The following ZNF442 variants were observed in gnomAD, a reference collection of about 807,000 sequenced individuals.
The protein encoded by ZNF442 is zinc finger protein 442.
ZNF442 carries 45 observed loss-of-function variants against 57.0 expected under a neutral mutation model. The ratio of observed to expected loss-of-function variants is 0.79; its 90% CI spans 0.62 to 1.01. The LOEUF is 1.01. Ranked by LOEUF, ZNF442 falls within the 50% of genes least tolerant of loss-of-function variation. The probability of loss-of-function intolerance (pLI) is 0.00; values close to 1 mark genes in which losing one functional copy is unlikely to be tolerated. For synonymous variants in ZNF442, 213 were observed against 241.8 expected, an observed-to-expected ratio of 0.88 and a Z score of 1.10; for missense variants, 690 against 756.5, an observed-to-expected ratio of 0.91 and a Z score of 1.03.
In ZNF442 at chr19:12,350,712, T is replaced by C; in HGVS notation, c.873A>G (p.Lys291=). ...VRHERTHTGE[K]PYKCKRCGRA... Reference sequence around the variant, plus strand: ...TTCCACATCGTTTACATTTATAGGGTTTTTCTCCAGTGTGAGTTCTTTCAT... The same window carrying C: ...TTCCACATCGTTTACATTTATAGGGCTTTTCTCCAGTGTGAGTTCTTTCAT... The change falls in exon 6 of 6, where the codon AAA becomes AAG. Residue 291 remains lysine, a synonymous_variant. Coordinates refer to ENST00000242804, the MANE Select transcript of ZNF442 (RefSeq NM_030824.3). The C allele has an allele frequency of 6.2e-6, 10 of 1,613,702 alleles. No homozygotes were observed. The highest frequency in any genetic ancestry group is 8.5e-6 in the Non-Finnish European group (10 of 1,179,990).
At position 12,350,117 on chromosome 19, in the gene ZNF442, A is replaced by G. The variant is rs765116187; in HGVS notation, c.1468T>C (p.Cys490Arg). The change falls in exon 6 of 6, where the codon TGT (cysteine) becomes CGT (arginine). Residue 490 changes from cysteine (C) to arginine (R), a missense_variant. Coordinates refer to ENST00000242804, the MANE Select transcript of ZNF442 (RefSeq NM_030824.3). ...CTGAATGCTTTCCCACATTCCTTACACTCATATGGCTTCTCTCCAGTGTGA... is the reference window on the plus strand; with the variant it reads ...CTGAATGCTTTCCCACATTCCTTACGCTCATATGGCTTCTCTCCAGTGTGA... ...TTHTGEKPYE[C>R]KECGKAFSCF... 1.2e-6 allele frequency: 2 copies of G among 1,614,006 alleles called. No homozygotes were observed. Among genetic ancestry groups the G allele is most frequent in the Non-Finnish European group, 8.5e-7 (1 of 1,179,964 alleles).
intron 3 of ZNF442, among the ~76,000 whole-genome samples, chr19:12,354,424 T>C (rs1470986248): frequency 1.3e-5 from 2 of 152,214 alleles, no homozygotes; most frequent in African/African-American, 4.8e-5. Flanking sequence ...TGAATATCGA[T>C]AATATTCCCT....
chr19:12,351,899 T>C (rs2144814642), intron 5 of ZNF442, 111 bp downstream of exon 5: 1 of 889,542 alleles, frequency 1.1e-6, no homozygotes, highest in Non-Finnish European at 1.7e-6. Context: ...TGTATAGGAA[T>C]AAATAAGTTT....
At chr19:12,354,421 C>T (rs1387701467) in intron 3 of ZNF442, among the ~76,000 whole-genome samples, 2 of 152,136 alleles carry the variant, frequency 1.3e-5, no homozygotes, top group African/African-American at 2.4e-5. Flanking sequence ...TCATGAATAT[C>T]GATAATATTC....
Position 12,351,046 on chromosome 19 carries a change from C to A in ZNF442, c.539G>T (p.Arg180Leu), listed in dbSNP as rs547916207. 6.2e-7 allele frequency: 1 copy of A among 1,614,076 alleles called. No homozygotes were observed. ...TQERPHTGKK[R>L]YDCKECGKTF... is the part of the protein sequence containing the mutation. Reference sequence around the variant, plus strand: ...TTTCCCACATTCCTTACAATCATAGCGTTTCTTTCCAGTGTGAGGTCTTTC... The same window carrying A: ...TTTCCCACATTCCTTACAATCATAGAGTTTCTTTCCAGTGTGAGGTCTTTC... Residue 180 changes from arginine (R) to leucine (L), a missense_variant, in exon 6 of 6, where the codon CGC becomes CTC. Coordinates refer to ENST00000242804, the MANE Select transcript of ZNF442 (RefSeq NM_030824.3).
intron 2 of ZNF442, 109 bp from the exon 3 acceptor site, chr19:12,363,780 G>A (rs1003836280): frequency 2.9e-6 from 2 of 680,226 alleles, no homozygotes; most frequent in Non-Finnish European, 5.2e-6. Context: ...TGTTCTCTGT[G>A]AGGCCCCACC....
rs1969153520 is a variant in ZNF442, at chr19:12,347,997, A to G, written c.*1704T>C. The G allele has an allele frequency of 6.6e-6, 1 of 152,198 alleles. No individual in the cohort carries two copies. Among genetic ancestry groups the G allele is most frequent in the African/African-American group, 2.4e-5 (1 of 41,444 alleles). 9.4% of individuals were successfully genotyped at this position (152,198 alleles called of 1,614,324 possible). ...ATATCAAAGATGTGACACTTGAAACATGTGCAGCAGTTTTTGGGGCATCTA... is the reference window on the plus strand; with the variant it reads ...ATATCAAAGATGTGACACTTGAAACGTGTGCAGCAGTTTTTGGGGCATCTA... On this transcript the variant is annotated 3_prime_UTR_variant, in exon 6 of 6. Coordinates refer to ENST00000242804, the MANE Select transcript of ZNF442 (RefSeq NM_030824.3).
intron 3 of ZNF442, among the ~76,000 whole-genome samples, chr19:12,355,290 CAAAA>C (rs1243882800): frequency 1.8e-5 from 1 of 55,680 alleles, no homozygotes; most frequent in Non-Finnish European, 3.6e-5. Context: ...GACTCCATCT[CAAAA>C]AAAAAAAAAA....
At chr19:12,369,223 T>G (rs6511788), upstream of ZNF442, among the ~76,000 whole-genome samples, 47,790 of 151,980 alleles carry the variant, frequency 0.31, 8,316 homozygotes, top group African/African-American at 0.47. Flanking sequence ...GGAAGCTGGG[T>G]AATTTTAAGC....
rs1196343953 is a variant in ZNF442 at position 12,350,865 on chromosome 19, C to T, written c.720G>A (p.Lys240=). The change falls in exon 6 of 6, where the codon AAG becomes AAA. Residue 240 remains lysine (K), a synonymous_variant. Coordinates refer to ENST00000242804, the MANE Select transcript of ZNF442 (RefSeq NM_030824.3). The part of the protein sequence containing the change: ...THTGEKPYEC[K]QCCKAFPIYS... ...AAATAGGGAAGGCTTTACAACACTG[C>T]TTACATTCATACGGTTTCTCTCCAG... 6.2e-7 allele frequency: 1 copy of T among 1,613,956 alleles called. No individual in the cohort carries two copies.
chr19:12,362,118 T>C (rs552472809), intron 3 of ZNF442, among the ~76,000 whole-genome samples: 54 of 152,318 alleles, frequency 3.5e-4, no homozygotes, highest in Non-Finnish European at 6.6e-4. Context: ...AGTGCCGAGA[T>C]TGCAGCCTCT....
rs73507958 is a variant in ZNF442, at chr19:12,352,059, C to A, written c.217G>T (p.Glu73Ter). The change falls in exon 5 of 6, where the codon GAA (glutamate) becomes TAA (stop). Residue 73 changes from glutamate (E) to a stop codon, truncating the protein, a stop_gained. Coordinates refer to ENST00000242804, the MANE Select transcript of ZNF442 (RefSeq NM_030824.3). LOFTEE classifies it high-confidence loss of function. ...TGCTGATCTTCAATGTTTGTGTCTT[C>A]CCATTTCATTCCTAAAAGGTGGACA... ...RNLDCIGMKW[E>*]DTNIEDQHRN... 1,723 of 1,613,522 alleles carry A rather than the reference C, an allele frequency of 1.1e-3. 18 individuals carry two copies. In the African/African-American group the frequency reaches 0.02, roughly 19 times the overall value.
intron 3 of ZNF442, among the ~76,000 whole-genome samples, chr19:12,357,837 T>C (rs1234816433): frequency 6.6e-6 from 1 of 152,140 alleles, no homozygotes; most frequent in Non-Finnish European, 1.5e-5. Flanking sequence ...GCAAAGCACA[T>C]GCATCCACCA....
chr19:12,350,247 A>C lies in ZNF442; in HGVS notation c.1338T>G (p.Ser446Arg), dbSNP rs148564147. Residue 446 changes from serine to arginine, a missense_variant, in exon 6 of 6, where the codon AGT becomes AGG. Physicochemically the swap from Ser to Arg is moderately radical, Grantham distance 110. Coordinates refer to ENST00000242804, the MANE Select transcript of ZNF442 (RefSeq NM_030824.3). ...KECGKAFRISSSLRRHETTHT... is the reference protein window; with the variant it reads ...KECGKAFRISRSLRRHETTHT... ...GAGTTGTTTCATGTCTTCGAAGGGA[A>C]CTAGAAATACGGAAGGCTTTACCAC... The C allele has an allele frequency of 6.2e-7, 1 of 1,613,770 alleles. No homozygotes were observed. The highest frequency in any genetic ancestry group is 2.2e-5 in the East Asian group (1 of 44,850).
the ZNF442 span, chr19:12,373,676 GC>G: frequency 3.3e-6 from 1 of 305,500 alleles, no homozygotes. Context: ...CTCAATATGT[GC>G]CGCCAGTGTT....
At chr19:12,373,666 C>A in the ZNF442 span, 2 of 307,208 alleles carry the variant, frequency 6.5e-6, no homozygotes, top group South Asian at 6.9e-5. Context: ...GAAATATGGT[C>A]TCAATATGTG....
In ZNF442 at chr19:12,351,240, T is replaced by C. The variant is rs1379807237; in HGVS notation, c.345A>G (p.Pro115=). Residue 115 remains proline (P), a synonymous_variant, in exon 6 of 6, where the codon CCA becomes CCG. Coordinates refer to ENST00000242804, the MANE Select transcript of ZNF442 (RefSeq NM_030824.3). ...TVNEKPPGVD[P]CKSSVCGEIM... ...TTTCTCCACACACACTGCTTTTACA[T>C]GGATCTACTCCAGGAGGTTTTTCAT... The C allele has an allele frequency of 1.9e-6, 3 of 1,614,070 alleles. No homozygotes were observed. Among genetic ancestry groups the C allele is most frequent in the Non-Finnish European group, 2.5e-6 (3 of 1,180,034 alleles).
chr19:12,368,305 A>C (rs1429132485), upstream of ZNF442, among the ~76,000 whole-genome samples: 1 of 152,250 alleles, frequency 6.6e-6, no homozygotes, highest in Non-Finnish European at 1.5e-5. Flanking sequence ...GGCATAAGAA[A>C]TTATAAAAGT....
the ZNF442 span, chr19:12,373,650 G>T: frequency 6.5e-6 from 2 of 307,366 alleles, no homozygotes; most frequent in South Asian, 6.9e-5. Context: ...AGCATGGTCT[G>T]ATCCGGAAAT....
Sources: allele counts gnomAD v4.1 joint callset (sites outside exome capture counted in the v4.1 genomes callset), GRCh38; gene constraint gnomAD v4.1.1; transcripts MANE v1.5; gene names NCBI Gene and HGNC (gene_info 2026-07-23, HGNC 2026-07-21).